NUP214: variants seen among roughly 807,000 people sequenced by gnomAD.
NUP214 encodes nucleoporin 214.
NUP214 carries 79 observed loss-of-function variants against 196.2 expected under a neutral mutation model. The observed-to-expected ratio is 0.40, with a 90% CI of 0.34 to 0.49. The LOEUF is 0.49. NUP214 is among the 20% of genes least tolerant of loss of function. The pLI is 0.58. For missense variants in NUP214, 2,468 were observed against 2,539.0 expected, an observed-to-expected ratio of 0.97 and a Z score of 0.60; for synonymous variants, 1,020 against 990.5, an observed-to-expected ratio of 1.03 and a Z score of -0.56.
intron 30 of NUP214, among the ~76,000 whole-genome samples, chr9:131,204,455 C>T (rs1834025065): frequency 6.6e-6 from 1 of 152,056 alleles, no homozygotes. Context: ...TATCGATAGC[C>T]TCTGTCAGAA....
Position 131,159,390 on chromosome 9 carries a change from G to T in NUP214, c.2444G>T (p.Arg815Leu), listed in dbSNP as rs749833713. ...TTAATTTTTTTCTTATAGGAAATTC[G>T]GCGCCTTCATCAGTATGTGAAATTT... ...PKSEAQLQEI[R>L]RLHQYVKFAV... The change falls in exon 18 of 36, where the codon CGG becomes CTG. Residue 815 changes from arginine (R) to leucine (L), a missense_variant. Transcript: ENST00000359428. 1.2e-6 allele frequency: 2 copies of T among 1,611,582 alleles called. No individual in the cohort carries two copies. The highest frequency in any genetic ancestry group is 2.7e-5 in the African/African-American group (2 of 74,742).
At position 131,198,349 on chromosome 9, in the gene NUP214, A is replaced by G. The variant is rs774666121; in HGVS notation, c.4855A>G (p.Ser1619Gly). The G allele has an allele frequency of 6.8e-6, 11 of 1,614,110 alleles. No homozygotes were observed. The highest frequency in any genetic ancestry group is 1.6e-4 in the Middle Eastern group (1 of 6,084). The change falls in exon 29 of 36, where the codon AGC becomes GGC. Residue 1619 changes from serine (S) to glycine (G), a missense_variant. This residue lies in a region of NUP214 where 1,801 missense variants were observed against 1,779.4 expected (regional missense o/e 1.01). Transcript: ENST00000359428. ...AACATCAAGTACCCCCATAGCCTCC[A>G]GCACCACGTCCATTGTTGCTCCCGG... ...VETSSTPIAS[S>G]TTSIVAPGPS...
intron 31 of NUP214, among the ~76,000 whole-genome samples, chr9:131,216,318 G>T (rs892935306): frequency 6.9e-6 from 1 of 145,624 alleles, no homozygotes; most frequent in Non-Finnish European, 1.5e-5. Flanking sequence ...TCCACTTCCC[G>T]GGTTCATGCC....
chr9:131,136,247 C>T (rs1831725192), intron 9 of NUP214, among the ~76,000 whole-genome samples: 2 of 152,202 alleles, frequency 1.3e-5, no homozygotes, highest in South Asian at 4.1e-4. Context: ...GCCATGTTGG[C>T]CAGGCTGGTC....
At chr9:131,200,971 T>C (rs1372106643) in intron 29 of NUP214, among the ~76,000 whole-genome samples, 1 of 151,558 alleles carries the variant, frequency 6.6e-6, no homozygotes, top group African/African-American at 2.4e-5. Context: ...GATAAACTAT[T>C]CTTAGCCCCC....
At chr9:131,149,199 C>T (rs888555249) in intron 14 of NUP214, among the ~76,000 whole-genome samples, 15 of 152,114 alleles carry the variant, frequency 9.9e-5, no homozygotes, top group African/African-American at 3.6e-4. Flanking sequence ...GCCCAGGTCA[C>T]AGTTCACGGT....
At chr9:131,188,875 A>G (rs955222912) in intron 25 of NUP214, among the ~76,000 whole-genome samples, 178 bp from the exon 26 acceptor site, 2 of 152,216 alleles carry the variant, frequency 1.3e-5, no homozygotes, top group Admixed American at 6.5e-5. Context: ...GATCTTACAT[A>G]TGGTTAACTT....
In NUP214 at chr9:131,197,830, A is replaced by G. The variant is rs1564205478; in HGVS notation, c.4336A>G (p.Thr1446Ala). The G allele has an allele frequency of 6.2e-7, 1 of 1,613,564 alleles. No individual in the cohort carries two copies. The highest frequency in any genetic ancestry group is 8.5e-7 in the Non-Finnish European group (1 of 1,180,014). ...KTSFSFGSQQ[T>A]NSTVPPSAPP... ...TAGTTTTTCATTTGGAAGCCAACAG[A>G]CCAATAGCACAGTGCCCCCATCTGC... The change falls in exon 29 of 36, where the codon ACC (threonine) becomes GCC (alanine). Residue 1446 changes from threonine to alanine, a missense_variant. Physicochemically the swap from Thr to Ala is moderately conservative, Grantham distance 58 (BLOSUM62 0). This residue lies in a region of NUP214 where 1,801 missense variants were observed against 1,779.4 expected (regional missense o/e 1.01). Transcript: ENST00000359428.
chr9:131,161,164 G>A (rs1336482229), intron 18 of NUP214, among the ~76,000 whole-genome samples: 1 of 151,800 alleles, frequency 6.6e-6, no homozygotes. Flanking sequence ...TTTCTGCAGA[G>A]TTCAAATTCT....
At chr9:131,160,293 A>G (rs754843143) in intron 18 of NUP214, among the ~76,000 whole-genome samples, 3 of 152,238 alleles carry the variant, frequency 2.0e-5, no homozygotes, top group Non-Finnish European at 4.4e-5. Context: ...GTAACAAAAT[A>G]TTCGTAGTTA....
rs1831587522 is a variant in NUP214, at chr9:131,132,520, G to C, written c.664-76G>C. ...TGGAACAGGTAGCATCTAAGGAATAGATTAGATTTGACAGTTTGATTGGTT... is the reference window on the plus strand; with the variant it reads ...TGGAACAGGTAGCATCTAAGGAATACATTAGATTTGACAGTTTGATTGGTT... On this transcript the variant is annotated intron_variant, in intron 5 of 35. Coordinates refer to ENST00000359428, the MANE Select transcript of NUP214 (RefSeq NM_005085.4). 5.6e-6 allele frequency: 7 copies of C among 1,260,416 alleles called. No homozygotes were observed. The South Asian group carries it at 8.5e-5, about 15-fold the overall frequency. 78.1% of individuals were successfully genotyped at this position (1,260,416 alleles called of 1,614,324 possible).
At chr9:131,174,967 T>C (rs1169439083) in intron 22 of NUP214, among the ~76,000 whole-genome samples, 2 of 152,208 alleles carry the variant, frequency 1.3e-5, no homozygotes, top group Non-Finnish European at 2.9e-5. Flanking sequence ...TAAAGCAACA[T>C]CCACACTCAT....
At chr9:131,219,731 G>A (rs987239111) in intron 31 of NUP214, among the ~76,000 whole-genome samples, 1 of 152,180 alleles carries the variant, frequency 6.6e-6, no homozygotes, top group South Asian at 2.1e-4. Context: ...TCTGTTTAGG[G>A]TCCTGAAAGA....
Position 131,129,270 on chromosome 9 carries a change from T to G in NUP214, c.394-9T>G, listed in dbSNP as rs1379358434. 1 of 1,612,412 alleles carries G rather than the reference T, an allele frequency of 6.2e-7. No individual in the cohort carries two copies. The highest frequency in any genetic ancestry group is 2.2e-5 in the East Asian group (1 of 44,876). ...AACTTATTTCACTTTTGCATATTTG[T>G]TTTAAAAGGCTAAACAGCAAAAACG... is the stretch of plus-strand genomic sequence containing the variant. On this transcript the variant is annotated splice_polypyrimidine_tract_variant and intron_variant, in intron 3 of 35. Coordinates refer to ENST00000359428, the MANE Select transcript of NUP214 (RefSeq NM_005085.4).
intron 24 of NUP214, 61 bp downstream of exon 24, chr9:131,178,471 C>T: frequency 8.3e-7 from 1 of 1,199,210 alleles, no homozygotes; most frequent in Non-Finnish European, 1.2e-6. Flanking sequence ...GGTGGACTGC[C>T]TGCAGGGAGC....
At chr9:131,208,449 G>A (rs1464982202) in intron 30 of NUP214, among the ~76,000 whole-genome samples, 1 of 152,248 alleles carries the variant, frequency 6.6e-6, no homozygotes, top group Non-Finnish European at 1.5e-5. Flanking sequence ...TGTAATCCCA[G>A]CACTTTGGGA....
chr9:131,143,379 T>C (rs1221329901), intron 11 of NUP214, among the ~76,000 whole-genome samples: 1 of 152,202 alleles, frequency 6.6e-6, no homozygotes. Flanking sequence ...TTTTGCATTA[T>C]GTTTGTAAGC....
In NUP214 at chr9:131,232,402, C is replaced by T. The variant is rs966579223; in HGVS notation, c.6239+94C>T. 25 of 1,348,508 alleles carry T rather than the reference C, an allele frequency of 1.9e-5. No homozygotes were observed. The highest frequency in any genetic ancestry group is 2.4e-5 in the Non-Finnish European group (23 of 940,850). The allele number at this position is 1,348,508 out of a possible 1,614,324, so 83.5% of individuals were successfully genotyped here. ...TTGCTGGATTTGTGCATTTTCTTTT[C>T]GTTTTTTCCTGTTTTTAGAGTTTGT... On this transcript the variant is annotated intron_variant, in intron 35 of 35. Transcript: ENST00000359428. The surrounding 1 kb of genome is among the most constrained non-coding windows in gnomAD (Gnocchi z 5.1).
rs149818290 is a variant in NUP214, at chr9:131,168,333, ATTTAAG to A, written c.2893+4193_2893+4198del. ...TGCACCTTTATTATCTTCCAGAAACATTTAAGTTTGTCTTTCACAATTGGATCAACT... is the reference window on the plus strand; with the variant it reads ...TGCACCTTTATTATCTTCCAGAAACATTTGTCTTTCACAATTGGATCAACT... On this transcript the variant is annotated intron_variant, in intron 21 of 35. Transcript: ENST00000359428. 5.2e-3 allele frequency among the ~76,000 whole-genome samples: 796 copies of A among 152,336 alleles called. 10 individuals are homozygous for A. The highest frequency in any genetic ancestry group is 0.018 in the African/African-American group (750 of 41,578).
Sources: allele counts gnomAD v4.1 joint callset (sites outside exome capture counted in the v4.1 genomes callset), GRCh38; gene constraint gnomAD v4.1.1; regional missense constraint gnomAD v4.1.1; non-coding constraint Gnocchi (gnomAD v3.1); transcripts MANE v1.5; gene names NCBI Gene and HGNC (gene_info 2026-07-23, HGNC 2026-07-21).